PDE4B: variants seen among roughly 807,000 people sequenced by gnomAD.
The protein encoded by PDE4B is 3',5'-cyclic-AMP phosphodiesterase 4B.
A neutral mutation model predicts 82.2 loss-of-function variants in PDE4B; 20 were observed. The ratio of observed to expected loss-of-function variants is 0.24; its 90% CI spans 0.17 to 0.35. PDE4B has a LOEUF of 0.35. Ranked by LOEUF, PDE4B falls within the 10% of genes least tolerant of loss-of-function variation. PDE4B has a pLI of 1.00. For missense variants in PDE4B, 655 were observed against 907.2 expected, an observed-to-expected ratio of 0.72 and a Z score of 3.57; for synonymous variants, 320 against 318.9, an observed-to-expected ratio of 1.00 and a Z score of -0.04.
intron 8 of PDE4B, among the ~76,000 whole-genome samples, chr1:66,351,127 G>C (rs1661785032): frequency 6.6e-6 from 1 of 152,148 alleles, no homozygotes; most frequent in African/African-American, 2.4e-5. Flanking sequence ...GCTTAAGAAG[G>C]CATCGGAGGA....
chr1:66,297,154 A>G (rs1018416213), intron 7 of PDE4B, among the ~76,000 whole-genome samples: 2 of 152,024 alleles, frequency 1.3e-5, no homozygotes, highest in African/African-American at 2.4e-5. Flanking sequence ...GTCTCGGGGG[A>G]AAATGATTGC....
chr1:66,343,322 T>C (rs1661155848), intron 8 of PDE4B, among the ~76,000 whole-genome samples: 1 of 152,144 alleles, frequency 6.6e-6, no homozygotes, highest in Non-Finnish European at 1.5e-5. Flanking sequence ...AACAGAGGGA[T>C]TTACCCTCCA....
At chr1:66,304,072 CA>C (rs1287487586) in intron 7 of PDE4B, among the ~76,000 whole-genome samples, 1 of 152,100 alleles carries the variant, frequency 6.6e-6, no homozygotes, top group Non-Finnish European at 1.5e-5. Flanking sequence ...CAGAACCCAG[CA>C]TTTAACCTAG....
At chr1:65,939,029 C>A (rs1046091188) in intron 3 of PDE4B, among the ~76,000 whole-genome samples, 2 of 152,080 alleles carry the variant, frequency 1.3e-5, no homozygotes, top group Admixed American at 1.3e-4. Context: ...TAAATCAGGA[C>A]AAAAGCAGTG....
In PDE4B at chr1:66,087,800, A is replaced by T. The variant is rs1030146063; in HGVS notation, c.282-159660A>T. 3.5e-4 allele frequency among the ~76,000 whole-genome samples: 51 copies of T among 147,026 alleles called. No individual in the cohort carries two copies. The East Asian group carries it at 7.6e-3, about 22-fold the overall frequency. On this transcript the variant is annotated intron_variant, in intron 3 of 16. Transcript: ENST00000341517. Reference sequence around the variant, plus strand: ...ACCAAACACCGCATATTCTCACTCAAAGGTGGGAATTAAACAATGAGAACA... The same window carrying T: ...ACCAAACACCGCATATTCTCACTCATAGGTGGGAATTAAACAATGAGAACA...
chr1:65,979,159 C>T (rs1650560529), intron 3 of PDE4B, among the ~76,000 whole-genome samples: 1 of 152,208 alleles, frequency 6.6e-6, no homozygotes, highest in Non-Finnish European at 1.5e-5. Context: ...AAGTGATTCA[C>T]AGATTCTGGG....
chr1:66,332,249 G>A lies in PDE4B; in HGVS notation c.635-259G>A, dbSNP rs1388431287. The A allele has an allele frequency of 2.7e-6, 4 of 1,456,594 alleles. No homozygotes were observed. The Admixed American group carries it at 1.1e-4, about 39-fold the overall frequency. 90.2% of individuals were successfully genotyped at this position (1,456,594 alleles called of 1,614,324 possible). A position where few individuals can be genotyped will look rare whatever the true frequency, so the allele number is the denominator to read the frequency against. ...GTTCCCTCCGCCTTCTTCCTCAGAG[G>A]AAGTTTCTTGGTAGATCACCGACAC... On this transcript the variant is annotated intron_variant, in intron 7 of 16. Transcript: ENST00000341517.
chr1:66,193,779 T>C (rs1235977657), intron 3 of PDE4B, among the ~76,000 whole-genome samples: 1 of 152,134 alleles, frequency 6.6e-6, no homozygotes, highest in Non-Finnish European at 1.5e-5. Context: ...TATATGGAAC[T>C]ATTAGCAAAG....
intron 1 of PDE4B, among the ~76,000 whole-genome samples, chr1:65,822,177 T>G (rs758560069): frequency 1.6e-4 from 24 of 152,202 alleles, no homozygotes; most frequent in Non-Finnish European, 2.2e-4. Context: ...TTTTTTATTC[T>G]CTATTATAGT....
intron 7 of PDE4B, among the ~76,000 whole-genome samples, chr1:66,311,138 C>T (rs933100004): frequency 4.6e-5 from 7 of 152,064 alleles, no homozygotes. Flanking sequence ...GAAGGGAGGA[C>T]CAGTTATGCG....
chr1:66,316,416 A>C (rs963533095), intron 7 of PDE4B, among the ~76,000 whole-genome samples: 7 of 152,236 alleles, frequency 4.6e-5, no homozygotes, highest in Admixed American at 3.3e-4. Context: ...AACCTTTAAA[A>C]ATTGCCTTAG....
chr1:66,031,330 G>A (rs911425369), intron 3 of PDE4B, among the ~76,000 whole-genome samples: 4 of 152,084 alleles, frequency 2.6e-5, no homozygotes, highest in Non-Finnish European at 4.4e-5. Context: ...ATAGAGAAGA[G>A]CAATGGAAAG....
At chr1:66,035,267 TG>T (rs35781240) in intron 3 of PDE4B, among the ~76,000 whole-genome samples, 12,474 of 152,204 alleles carry the variant, frequency 0.082, 955 homozygotes, top group East Asian at 0.26. Flanking sequence ...GATTGTGGAA[TG>T]ATCAAATCAG....
At position 65,847,491 on chromosome 1, in the gene PDE4B, A is replaced by C. The variant is rs190933216; in HGVS notation, c.-71+54243A>C. On this transcript the variant is annotated intron_variant, in intron 1 of 16. Coordinates refer to ENST00000341517, the MANE Select transcript of PDE4B (RefSeq NM_002600.4). Reference sequence around the variant, plus strand: ...TGTGGCCTTCAGATCTTTATTTAATACAAGTTGATGGGGCTACCTCTTTCT... The same window carrying C: ...TGTGGCCTTCAGATCTTTATTTAATCCAAGTTGATGGGGCTACCTCTTTCT... Among the ~76,000 whole-genome samples, 27 of 152,336 alleles carry C rather than the reference A, an allele frequency of 1.8e-4. No homozygotes were observed. The East Asian group carries it at 5.2e-3, about 29-fold the overall frequency.
chr1:65,985,512 C>T (rs2100662312), intron 3 of PDE4B, among the ~76,000 whole-genome samples: 1 of 152,220 alleles, frequency 6.6e-6, no homozygotes, highest in Non-Finnish European at 1.5e-5. Flanking sequence ...GAGGTTTTCC[C>T]AAATATAACT....
At chr1:66,281,525 G>A (rs1330728117) in intron 7 of PDE4B, among the ~76,000 whole-genome samples, 1 of 152,190 alleles carries the variant, frequency 6.6e-6, no homozygotes, top group African/African-American at 2.4e-5. Flanking sequence ...GTTTAACATG[G>A]GTTTTCCTCA....
intron 2 of PDE4B, among the ~76,000 whole-genome samples, chr1:65,913,900 T>C (rs1557428665): frequency 6.6e-6 from 1 of 152,146 alleles, no homozygotes; most frequent in Admixed American, 6.5e-5. Context: ...CAGACTATAT[T>C]TTAATGGGAT....
intron 3 of PDE4B, among the ~76,000 whole-genome samples, chr1:66,036,649 G>C (rs1654079237): frequency 6.6e-6 from 1 of 152,060 alleles, no homozygotes; most frequent in South Asian, 2.1e-4. Context: ...GTTTATTTCT[G>C]TGCTCTCTGT....
chr1:66,199,561 G>C (rs187947957), intron 3 of PDE4B, among the ~76,000 whole-genome samples: 1 of 152,082 alleles, frequency 6.6e-6, no homozygotes, highest in Non-Finnish European at 1.5e-5. Flanking sequence ...CTCCCATTTT[G>C]TAAGTTGCCT....
Sources: gnomAD v4.1 joint callset for allele counts (sites outside exome capture counted in the v4.1 genomes callset) on GRCh38, gnomAD v4.1.1 for gene constraint, MANE v1.5 for transcripts, NCBI Gene and HGNC (gene_info 2026-07-23, HGNC 2026-07-21) for gene names.